Variants in PEX5L observed in about 807,000 individuals in gnomAD.
PEX5L encodes the protein peroxisomal biogenesis factor 5 like, also known as PEX5-related protein.
A neutral mutation model predicts 84.0 loss-of-function variants in PEX5L; 30 were observed. The observed-to-expected ratio is 0.36, with a 90% CI of 0.27 to 0.48. PEX5L has a LOEUF of 0.48. Ranked by LOEUF, PEX5L falls within the 20% of genes least tolerant of loss-of-function variation. PEX5L has a pLI of 0.99. For missense variants in PEX5L, 533 were observed against 754.6 expected, an observed-to-expected ratio of 0.71 and a Z score of 3.44; for synonymous variants, 270 against 283.1, an observed-to-expected ratio of 0.95 and a Z score of 0.46.
At chr3:179,808,591 T>C (rs1237764662) in intron 12 of PEX5L, among the ~76,000 whole-genome samples, 154 bp from the exon 13 acceptor site, 1 of 152,236 alleles carries the variant, frequency 6.6e-6, no homozygotes, top group Admixed American at 6.5e-5. Context: ...GGACTATTAA[T>C]GCTGAATGTT....
chr3:179,978,033 T>A (rs1253582024), intron 1 of PEX5L, among the ~76,000 whole-genome samples: 4 of 152,232 alleles, frequency 2.6e-5, no homozygotes, highest in Non-Finnish European at 4.4e-5. Context: ...ACAACAAGTA[T>A]GTTGTAGCAT....
At chr3:179,806,690 A>G (rs1721430316) in intron 14 of PEX5L, among the ~76,000 whole-genome samples, 2 of 152,262 alleles carry the variant, frequency 1.3e-5, no homozygotes, top group Admixed American at 1.3e-4. Context: ...AATGCCTGCT[A>G]GGCATTGAGC....
chr3:179,940,812 T>G (rs1316932764), intron 2 of PEX5L, among the ~76,000 whole-genome samples: 1 of 152,234 alleles, frequency 6.6e-6, no homozygotes, highest in Non-Finnish European at 1.5e-5. Context: ...TAGTGTGAAC[T>G]TACCATTTTA....
chr3:179,948,272 C>G (rs1220119334), intron 2 of PEX5L, among the ~76,000 whole-genome samples: 1 of 152,276 alleles, frequency 6.6e-6, no homozygotes, highest in African/African-American at 2.4e-5. Flanking sequence ...ATTAAATGAT[C>G]AATCTTCCCC....
chr3:180,006,274 ACTTC>A (rs1452895084), intron 1 of PEX5L, among the ~76,000 whole-genome samples: 1 of 152,146 alleles, frequency 6.6e-6, no homozygotes, highest in African/African-American at 2.4e-5. Flanking sequence ...TCCCTTCGCC[ACTTC>A]CTTCTTTATT....
At chr3:179,901,619 G>T (rs1487769469) in intron 2 of PEX5L, among the ~76,000 whole-genome samples, 1 of 152,078 alleles carries the variant, frequency 6.6e-6, no homozygotes, top group Non-Finnish European at 1.5e-5. Flanking sequence ...CCACTTCCTG[G>T]TTTAATTTCT....
chr3:180,002,216 A>C (rs1243114860), intron 1 of PEX5L, among the ~76,000 whole-genome samples: 1 of 152,038 alleles, frequency 6.6e-6, no homozygotes, highest in Non-Finnish European at 1.5e-5. Flanking sequence ...ATATTTCCTT[A>C]AGTTCTGGTT....
At chr3:179,885,170 A>G (rs1025107758) in intron 4 of PEX5L, among the ~76,000 whole-genome samples, 3 of 152,106 alleles carry the variant, frequency 2.0e-5, no homozygotes, top group Non-Finnish European at 4.4e-5. Context: ...TCAGAACACT[A>G]TTTTTCCAGA....
chr3:179,984,017 G>T (rs991105280), intron 1 of PEX5L, among the ~76,000 whole-genome samples: 2 of 152,028 alleles, frequency 1.3e-5, no homozygotes, highest in African/African-American at 4.8e-5. Flanking sequence ...CAAAGTGTAA[G>T]GGAGACCAAT....
At chr3:179,838,412 T>A (rs1221065108) in intron 8 of PEX5L, among the ~76,000 whole-genome samples, 1 of 152,224 alleles carries the variant, frequency 6.6e-6, no homozygotes, top group Non-Finnish European at 1.5e-5. Context: ...TTAAAAGTAA[T>A]GGTGACCTTT....
intron 7 of PEX5L, among the ~76,000 whole-genome samples, chr3:179,861,412 G>A (rs887871674): frequency 6.6e-6 from 1 of 152,204 alleles, no homozygotes; most frequent in Non-Finnish European, 1.5e-5. Context: ...TACTGCCTGG[G>A]CTTTAGAAGT....
At chr3:179,886,141 G>A (rs1755782720) in intron 4 of PEX5L, among the ~76,000 whole-genome samples, 1 of 152,154 alleles carries the variant, frequency 6.6e-6, no homozygotes, top group Non-Finnish European at 1.5e-5. Flanking sequence ...AGTGAGAATT[G>A]GAGCATGAAG....
At chr3:179,843,515 C>T (rs1171368192) in intron 8 of PEX5L, among the ~76,000 whole-genome samples, 1 of 152,240 alleles carries the variant, frequency 6.6e-6, no homozygotes, top group Non-Finnish European at 1.5e-5. Context: ...TAGAACCTGT[C>T]TCCTGACCCT....
intron 8 of PEX5L, among the ~76,000 whole-genome samples, chr3:179,828,490 C>A (rs1731375919): frequency 6.6e-6 from 1 of 152,136 alleles, no homozygotes; most frequent in South Asian, 2.1e-4. Context: ...CAGGTCCATA[C>A]CTTTACCTGC....
chr3:179,945,082 C>CA (rs1777153191), intron 2 of PEX5L, among the ~76,000 whole-genome samples: 1 of 152,210 alleles, frequency 6.6e-6, no homozygotes, highest in African/African-American at 2.4e-5. Flanking sequence ...TTGGACATAA[C>CA]AGAGTGAAAA....
chr3:179,870,548 G>A (rs533789930), intron 7 of PEX5L, among the ~76,000 whole-genome samples: 156 of 152,262 alleles, frequency 1.0e-3, no homozygotes, highest in African/African-American at 3.5e-3. Flanking sequence ...TAACGGACTT[G>A]CATTGGGTGA....
intron 7 of PEX5L, among the ~76,000 whole-genome samples, chr3:179,870,006 G>T (rs1361797493): frequency 1.3e-5 from 2 of 152,160 alleles, no homozygotes; most frequent in Non-Finnish European, 2.9e-5. Context: ...GCCAATCATG[G>T]AGTTTTGGCT....
At chr3:179,973,928 T>A in intron 1 of PEX5L, 1 of 985,480 alleles carries the variant, frequency 1.0e-6, no homozygotes, top group Non-Finnish European at 1.2e-6. Context: ...ACAGTTTTAC[T>A]CTAGAATTAA....
chr3:179,973,364 T>C (rs1785241637), intron 1 of PEX5L: 6 of 1,151,294 alleles, frequency 5.2e-6, no homozygotes, highest in Non-Finnish European at 6.5e-6. Flanking sequence ...AATTGAAGTA[T>C]TCCTGAATCA....
Sources: gnomAD v4.1 joint callset for allele counts (sites outside exome capture counted in the v4.1 genomes callset) on GRCh38, gnomAD v4.1.1 for gene constraint, MANE v1.5 for transcripts, NCBI Gene and HGNC (gene_info 2026-07-23, HGNC 2026-07-21) for gene names.